Variants in SLC9A9 observed in about 807,000 individuals in gnomAD.
The protein encoded by SLC9A9 is sodium/hydrogen exchanger 9.
Under a neutral mutation model 77.8 loss-of-function variants are expected in SLC9A9, and 62 were observed. That is an observed-to-expected ratio of 0.80 (90% confidence interval 0.65 to 0.98). The LOEUF is 0.98. Ranked by LOEUF, SLC9A9 falls within the 50% of genes least tolerant of loss-of-function variation. SLC9A9 has a pLI of 0.00. For synonymous variants in SLC9A9, 320 were observed against 283.5 expected (o/e 1.13, Z -1.29); for missense variants, 775 against 774.9 (o/e 1.00, Z 0.00).
intron 6 of SLC9A9, among the ~76,000 whole-genome samples, chr3:143,598,638 G>A (rs965598042): frequency 5.9e-5 from 9 of 152,214 alleles, no homozygotes; most frequent in African/African-American, 2.2e-4. Context: ...ACAAGAACAA[G>A]CACTGCTGAT....
intron 9 of SLC9A9, among the ~76,000 whole-genome samples, chr3:143,507,963 C>T (rs1449669738): frequency 1.3e-5 from 2 of 152,198 alleles, no homozygotes; most frequent in African/African-American, 2.4e-5. Flanking sequence ...GCTCCACCCT[C>T]ATGACCTAAT....
rs781026540 is a variant in SLC9A9 at position 143,398,358 on chromosome 3, A to T, written c.1470-16244T>A. ...CAGACTTATTCCTGAGAGCAGAAAGAGATGGGAACAAAAGCCTAAGGCCAA... is the reference window on the plus strand; with the variant it reads ...CAGACTTATTCCTGAGAGCAGAAAGTGATGGGAACAAAAGCCTAAGGCCAA... On this transcript the variant is annotated intron_variant, in intron 12 of 15. Coordinates refer to ENST00000316549, the MANE Select transcript of SLC9A9 (RefSeq NM_173653.4). Among the ~76,000 whole-genome samples the T allele has an allele frequency of 6.7e-4, 102 of 152,336 alleles. 1 individual carries two copies. Among genetic ancestry groups the T allele is most frequent in the Admixed American group, 3.7e-3 (57 of 15,292 alleles).
rs1366100312 is a variant in SLC9A9, at chr3:143,832,180, T to C, written c.217A>G (p.Thr73Ala). ...TAGACAGTTCCACTTTCAATATCAGTTGGTGCTGTAGCATATCGTAAAATT... is the reference window on the plus strand; with the variant it reads ...TAGACAGTTCCACTTTCAATATCAGCTGGTGCTGTAGCATATCGTAAAATT... ...GLILRYATAPTDIESGTVYDC... is the reference protein window; with the variant it reads ...GLILRYATAPADIESGTVYDC... Residue 73 changes from threonine (T) to alanine (A), a missense_variant, in exon 2 of 16, where the codon ACT becomes GCT. Transcript: ENST00000316549. 4 of 1,612,994 alleles carry C rather than the reference T, an allele frequency of 2.5e-6. No individual in the cohort carries two copies. The highest frequency in any genetic ancestry group is 4.5e-5 in the East Asian group (2 of 44,782).
chr3:143,709,764 A>G (rs889281084), intron 4 of SLC9A9, among the ~76,000 whole-genome samples: 2 of 152,146 alleles, frequency 1.3e-5, no homozygotes, highest in African/African-American at 4.8e-5. Flanking sequence ...CCTGACTCCA[A>G]TTTGAAGCTC....
At chr3:143,835,409 C>T (rs532609738) in intron 1 of SLC9A9, among the ~76,000 whole-genome samples, 84 of 152,292 alleles carry the variant, frequency 5.5e-4, no homozygotes, top group African/African-American at 1.9e-3. Context: ...AAAACCCATG[C>T]ACTCATTTGT....
intron 12 of SLC9A9, among the ~76,000 whole-genome samples, chr3:143,451,844 T>G (rs555954913): frequency 5.3e-5 from 8 of 152,226 alleles, no homozygotes; most frequent in Non-Finnish European, 8.8e-5. Context: ...GTATTTCCTC[T>G]CAACATGATA....
chr3:143,361,002 A>T (rs575999500), intron 14 of SLC9A9, among the ~76,000 whole-genome samples: 1 of 152,364 alleles, frequency 6.6e-6, no homozygotes, highest in South Asian at 2.1e-4. Flanking sequence ...GGCTTTTCTG[A>T]GGAAGAAAGA....
intron 12 of SLC9A9, among the ~76,000 whole-genome samples, chr3:143,407,395 T>A (rs1476979032): frequency 4.6e-5 from 7 of 152,214 alleles, no homozygotes; most frequent in Non-Finnish European, 8.8e-5. Flanking sequence ...CTAGGTGATT[T>A]TTTTCTTTGA....
intron 14 of SLC9A9, among the ~76,000 whole-genome samples, chr3:143,325,260 T>C (rs1040112896): frequency 3.9e-5 from 6 of 152,188 alleles, no homozygotes; most frequent in African/African-American, 1.4e-4. Flanking sequence ...AAGGACTGAA[T>C]GAGAAAATGC....
intron 14 of SLC9A9, among the ~76,000 whole-genome samples, chr3:143,346,447 C>G (rs2032275217): frequency 6.6e-6 from 1 of 152,058 alleles, no homozygotes; most frequent in African/African-American, 2.4e-5. Flanking sequence ...GTTTCTTTTT[C>G]TGTAGTATGC....
intron 14 of SLC9A9, among the ~76,000 whole-genome samples, chr3:143,291,454 A>G (rs963285072): frequency 5.9e-5 from 9 of 152,132 alleles, no homozygotes; most frequent in African/African-American, 2.2e-4. Flanking sequence ...CCCTCACATC[A>G]TCTCTCACTC....
chr3:143,707,402 C>CACACACACACACA (rs757480379), intron 4 of SLC9A9, among the ~76,000 whole-genome samples: 10 of 139,542 alleles, frequency 7.2e-5, no homozygotes, highest in African/African-American at 3.0e-4. Flanking sequence ...ACACACACAC[C>CACACACACACACA]CCAGCTGGGA....
intron 6 of SLC9A9, among the ~76,000 whole-genome samples, chr3:143,633,642 C>A (rs2038464940): frequency 1.3e-5 from 2 of 151,876 alleles, no homozygotes; most frequent in Admixed American, 6.6e-5. Flanking sequence ...GCTAGAAGTA[C>A]CTTCACTGGG....
Position 143,363,549 on chromosome 3 carries a change from C to A in SLC9A9, c.1539G>T (p.Leu513Phe). The change falls in exon 14 of 16, where the codon TTG becomes TTT. Residue 513 changes from leucine (L) to phenylalanine (F), a missense_variant. Physicochemically the swap from Leu to Phe is conservative, Grantham distance 22. Coordinates refer to ENST00000316549, the MANE Select transcript of SLC9A9 (RefSeq NM_173653.4). ...PSSQHQEANN[L>F]DKNMTKAESA... ...TCTCTGCTTTCGTCATGTTTTTATC[C>A]AAGTTATTTGCTTCCTGGGGAGAAA... 1.9e-6 allele frequency: 3 copies of A among 1,612,662 alleles called. No individual in the cohort carries two copies. The highest frequency in any genetic ancestry group is 2.5e-6 in the Non-Finnish European group (3 of 1,179,102).
intron 4 of SLC9A9, among the ~76,000 whole-genome samples, chr3:143,699,828 G>A (rs1933744481): frequency 1.3e-5 from 2 of 152,084 alleles, no homozygotes; most frequent in South Asian, 4.1e-4. Context: ...CTGGGGGCAT[G>A]AGACCTACTG....
At chr3:143,458,268 T>A (rs2035128077) in intron 12 of SLC9A9, among the ~76,000 whole-genome samples, 1 of 152,258 alleles carries the variant, frequency 6.6e-6, no homozygotes, top group Admixed American at 6.5e-5. Flanking sequence ...TTGATTGGTG[T>A]TTGCATGGTA....
chr3:143,276,864 T>C (rs557588765), intron 14 of SLC9A9, among the ~76,000 whole-genome samples: 2 of 152,288 alleles, frequency 1.3e-5, no homozygotes, highest in African/African-American at 4.8e-5. Context: ...TCAGATGCCT[T>C]GAAACCCATC....
chr3:143,415,069 C>T (rs1333990887), intron 12 of SLC9A9, among the ~76,000 whole-genome samples: 1 of 152,200 alleles, frequency 6.6e-6, no homozygotes, highest in African/African-American at 2.4e-5. Context: ...GAGCCAAGGC[C>T]TAACCCAGAG....
chr3:143,766,101 A>C (rs114515807), intron 4 of SLC9A9, among the ~76,000 whole-genome samples: 1 of 152,314 alleles, frequency 6.6e-6, no homozygotes, highest in African/African-American at 2.4e-5. Flanking sequence ...TTGAGCTGTT[A>C]TTGTCTTAAG....
Sources: allele counts gnomAD v4.1 joint callset (sites outside exome capture counted in the v4.1 genomes callset), GRCh38; gene constraint gnomAD v4.1.1; transcripts MANE v1.5; gene names NCBI Gene and HGNC (gene_info 2026-07-23, HGNC 2026-07-21).